The following KIAA1217 variants were observed in gnomAD, a reference collection of about 807,000 sequenced individuals.
KIAA1217 encodes the protein sickle tail protein homolog.
In KIAA1217, 88 loss-of-function variants were observed where a neutral mutation model predicts 163.9. The observed-to-expected ratio is 0.54, with a 90% CI of 0.45 to 0.64. The LOEUF is 0.64. KIAA1217 is among the 30% of genes least tolerant of loss of function. The pLI, the probability that KIAA1217 is intolerant of heterozygous loss-of-function variation, is 0.00. For synonymous variants in KIAA1217, 903 were observed against 923.1 expected (o/e 0.98, Z 0.39); for missense variants, 2,372 against 2,475.0 (o/e 0.96, Z 0.88).
intron 2 of KIAA1217, among the ~76,000 whole-genome samples, chr10:24,076,975 C>G (rs2061388443): frequency 6.6e-6 from 1 of 151,094 alleles, no homozygotes; most frequent in African/African-American, 2.4e-5. Flanking sequence ...CTCCCAGGTT[C>G]AAGCAGTTCT....
At position 23,871,090 on chromosome 10, in the gene KIAA1217, A is replaced by C. The variant is rs539623461; in HGVS notation, c.-320-136135A>C. Among the ~76,000 whole-genome samples, 5 of 151,558 alleles carry C rather than the reference A, an allele frequency of 3.3e-5. No individual in the cohort carries two copies. In the South Asian group the frequency reaches 1.0e-3, roughly 32 times the overall value. On this transcript the variant is annotated intron_variant, in intron 1 of 18. Transcript: ENST00000376462. ...TATTGTTTTCTGTATCTTAGAGGAA[A>C]CTCATAGGAATGAATGTGAAACACT...
intron 2 of KIAA1217, among the ~76,000 whole-genome samples, chr10:24,334,570 G>C: frequency 6.6e-6 from 1 of 151,936 alleles, no homozygotes; most frequent in East Asian, 1.9e-4. Flanking sequence ...CTTATAATAA[G>C]GACTTATAAA....
At chr10:24,212,074 A>G (rs2068203477) in intron 1 of KIAA1217, among the ~76,000 whole-genome samples, 1 of 151,650 alleles carries the variant, frequency 6.6e-6, no homozygotes, top group African/African-American at 2.4e-5. Flanking sequence ...GAGAAAGAGA[A>G]GGAAGGAAAA....
At chr10:24,395,125 T>G (rs16924724) in intron 3 of KIAA1217, among the ~76,000 whole-genome samples, 9,520 of 152,218 alleles carry the variant, frequency 0.063, 302 homozygotes, top group Middle Eastern at 0.11. Flanking sequence ...TAAGGGCATG[T>G]GAATCAGTCC....
chr10:24,011,829 A>T (rs1847246552), intron 2 of KIAA1217, among the ~76,000 whole-genome samples: 1 of 152,172 alleles, frequency 6.6e-6, no homozygotes, highest in Non-Finnish European at 1.5e-5. Flanking sequence ...TGTAAGTAAA[A>T]ATTGATGTGG....
intron 2 of KIAA1217, among the ~76,000 whole-genome samples, chr10:24,043,058 A>C (rs1848727495): frequency 6.6e-6 from 1 of 152,210 alleles, no homozygotes; most frequent in Non-Finnish European, 1.5e-5. Context: ...TTCACCTAGC[A>C]AGAGTGTTGG....
At chr10:23,870,495 T>G (rs534264470) in intron 1 of KIAA1217, among the ~76,000 whole-genome samples, 14 of 152,012 alleles carry the variant, frequency 9.2e-5, no homozygotes, top group African/African-American at 2.9e-4. Context: ...CACCAGGAAA[T>G]TGACAAGGCA....
At position 24,533,161 on chromosome 10, in the gene KIAA1217, C is replaced by T. The variant is rs374052578; in HGVS notation, c.3338C>T (p.Pro1113Leu). The change falls in exon 16 of 21, where the codon CCG (proline) becomes CTG (leucine). Residue 1113 changes from proline to leucine, a missense_variant. By Grantham distance (98) the Pro-to-Leu change is moderately conservative. Coordinates refer to ENST00000376454, the MANE Select transcript of KIAA1217 (RefSeq NM_019590.5). ...EPASAWTPSPPPVTTSSSKDE... is the reference protein window; with the variant it reads ...EPASAWTPSPLPVTTSSSKDE... ...GCTTCAGCCTGGACCCCATCCCCAC[C>T]GCCTGTCACCACCTCCTCCTCAAAG... 4,040 of 1,613,782 alleles carry T rather than the reference C, an allele frequency of 2.5e-3. 130 individuals are homozygous for T. The South Asian group carries it at 0.042, about 17-fold the overall frequency.
At chr10:23,934,581 A>ATATATATATGTATATATATATATATG (rs1564545615) in intron 1 of KIAA1217, among the ~76,000 whole-genome samples, 1 of 65,890 alleles carries the variant, frequency 1.5e-5, no homozygotes. Flanking sequence ...ATATATATAT[A>ATATATATATGTATATATATATATATG]TATATATATG....
intron 2 of KIAA1217, among the ~76,000 whole-genome samples, chr10:24,370,881 G>C (rs1318313010): frequency 6.6e-6 from 1 of 152,140 alleles, no homozygotes; most frequent in African/African-American, 2.4e-5. Flanking sequence ...CCTAGTCCAG[G>C]CTTTTAATTT....
In KIAA1217 at chr10:24,543,656, T is replaced by G. The variant is rs980117754; in HGVS notation, c.4386T>G (p.Thr1462=). The change falls in exon 19 of 21, where the codon ACT becomes ACG. Residue 1462 remains threonine (T), a synonymous_variant. Transcript: ENST00000376454. ...DIRSAYKRLS[T]IFEECDEELE... is the part of the protein sequence containing the mutation. The stretch of plus-strand genomic sequence containing the variant: ...GGTCTGCCTATAAGAGACTTTCAAC[T>G]ATCTTTGAGGAATGTGATGAGGAAT... The G allele has an allele frequency of 1.2e-6, 2 of 1,614,038 alleles. No individual in the cohort carries two copies. The highest frequency in any genetic ancestry group is 1.7e-6 in the Non-Finnish European group (2 of 1,179,966).
chr10:24,263,072 T>G (rs746493144), intron 2 of KIAA1217, among the ~76,000 whole-genome samples: 47 of 152,226 alleles, frequency 3.1e-4, no homozygotes, highest in South Asian at 1.0e-3. Flanking sequence ...ATGCAACCAC[T>G]TTATGCTGTC....
At chr10:23,858,146 G>A (rs914142603) in intron 1 of KIAA1217, among the ~76,000 whole-genome samples, 27 of 152,102 alleles carry the variant, frequency 1.8e-4, no homozygotes, top group Non-Finnish European at 2.9e-4. Flanking sequence ...AGCCAAGGCC[G>A]GATCTTCTTT....
At chr10:24,099,137 GC>G (rs1205947191) in intron 2 of KIAA1217, among the ~76,000 whole-genome samples, 1 of 151,786 alleles carries the variant, frequency 6.6e-6, no homozygotes, top group Non-Finnish European at 1.5e-5. Flanking sequence ...AGTTGGGAAG[GC>G]CCTTTTCTTT....
intron 5 of KIAA1217, among the ~76,000 whole-genome samples, chr10:24,444,296 G>A (rs1052266585): frequency 6.6e-6 from 1 of 152,152 alleles, no homozygotes; most frequent in Non-Finnish European, 1.5e-5. Context: ...ACAGGCGTGA[G>A]CCACCATGCC....
At chr10:24,518,162 CTG>C (rs377149125) in intron 10 of KIAA1217, among the ~76,000 whole-genome samples, 7 of 152,158 alleles carry the variant, frequency 4.6e-5, no homozygotes, top group African/African-American at 1.4e-4. Context: ...ATGCTGTAAA[CTG>C]TGACGTCTAT....
Position 23,695,096 on chromosome 10 carries a change from G to A in KIAA1217, c.-459G>A, listed in dbSNP as rs979550903. The A allele has an allele frequency of 2.0e-5, 3 of 152,288 alleles. No individual in the cohort carries two copies. Among genetic ancestry groups the A allele is most frequent in the Non-Finnish European group, 2.9e-5 (2 of 68,132 alleles). 9.4% of individuals were successfully genotyped at this position (152,288 alleles called of 1,614,324 possible). On this transcript the variant is annotated 5_prime_UTR_variant, in exon 1 of 19. Coordinates refer to the KIAA1217 transcript ENST00000376462. The surrounding 1 kb of genome is among the most constrained non-coding windows in gnomAD (Gnocchi z 4.9). ...CTCGGGCCCCCGGCACGCTCGCCCGGGAGATACCCCTTCCCCCTCTTGCGC... is the reference window on the plus strand; with the variant it reads ...CTCGGGCCCCCGGCACGCTCGCCCGAGAGATACCCCTTCCCCCTCTTGCGC...
intron 3 of KIAA1217, among the ~76,000 whole-genome samples, chr10:24,393,855 G>A (rs2130879695): frequency 6.6e-6 from 1 of 152,270 alleles, no homozygotes; most frequent in Middle Eastern, 3.4e-3. Context: ...AAGCCCCTTA[G>A]CACAGCCCCA....
At chr10:23,886,031 G>GT (rs1028622851) in intron 1 of KIAA1217, among the ~76,000 whole-genome samples, 1 of 151,858 alleles carries the variant, frequency 6.6e-6, no homozygotes, top group African/African-American at 2.4e-5. Flanking sequence ...TCTTTGAAAC[G>GT]TACTTACGCG....
Sources: gnomAD v4.1 joint callset for allele counts (sites outside exome capture counted in the v4.1 genomes callset) on GRCh38, gnomAD v4.1.1 for gene constraint, Gnocchi (gnomAD v3.1) non-coding constraint, MANE v1.5 for transcripts, NCBI Gene and HGNC (gene_info 2026-07-23, HGNC 2026-07-21) for gene names.